Variants in RNF31 observed in about 807,000 individuals in gnomAD.
RNF31 encodes the protein ring finger protein 31.
Under a neutral mutation model 133.6 loss-of-function variants are expected in RNF31, and 38 were observed. That is an observed-to-expected ratio of 0.28 (90% confidence interval 0.22 to 0.37). The LOEUF (loss-of-function observed/expected upper bound fraction) is 0.37, where lower values mean the gene tolerates loss of function less well. Among genes scored for constraint, RNF31 ranks in the 10% least tolerant of loss-of-function variants. RNF31 has a pLI of 1.00. For synonymous variants in RNF31, 582 were observed against 552.3 expected (o/e 1.05, Z -0.75); for missense variants, 1,118 against 1,394.1 (o/e 0.80, Z 3.15).
intron 11 of RNF31, chr14:24,154,873 A>G (rs1254327817): frequency 2.5e-5 from 11 of 439,676 alleles, no homozygotes; most frequent in African/African-American, 2.0e-4. Flanking sequence ...CCACCTCTAT[A>G]GTTTTGTCAT....
At chr14:24,149,078 C>T in intron 5 of RNF31, 1 of 619,884 alleles carries the variant, frequency 1.6e-6, no homozygotes, top group Admixed American at 2.8e-5. Flanking sequence ...ATTCTCCTGC[C>T]TCAGCCTCCC....
At position 24,159,020 on chromosome 14, in the gene RNF31, G is replaced by A. The variant is rs72658752; in HGVS notation, c.2899+821G>A. On this transcript the variant is annotated intron_variant, in intron 18 of 20. Coordinates refer to ENST00000324103, the MANE Select transcript of RNF31 (RefSeq NM_017999.5). ...CGCACTCCAGCCTGGGCAACAGAGC[G>A]AGACTTCGTCTCAAAAAAAAAAAAA... 8.9e-3 allele frequency among the ~76,000 whole-genome samples: 1,062 copies of A among 118,726 alleles called. 23 individuals carry two copies. Among genetic ancestry groups the A allele is most frequent in the African/African-American group, 0.034 (1,006 of 29,738 alleles). The allele number at this position is 118,726 out of a possible 152,430, so 77.9% of individuals were successfully genotyped here. A position where few individuals can be genotyped will look rare whatever the true frequency, so the allele number is the denominator to read the frequency against.
intron 18 of RNF31, 60 bp downstream of exon 18, chr14:24,158,259 A>G (rs1215288984): frequency 2.6e-6 from 4 of 1,525,008 alleles, no homozygotes; most frequent in Non-Finnish European, 3.6e-6. Flanking sequence ...CCACCGTGTG[A>G]TGGGTAAAGG....
chr14:24,148,855 C>T lies in RNF31; in HGVS notation c.610C>T (p.Leu204Phe). Reference sequence around the variant, plus strand: ...ATTGAGAGAGATTGCTCCTGGCCCCCTCACCACACCCTCTGTCCCAGGTAT... The same window carrying T: ...ATTGAGAGAGATTGCTCCTGGCCCCTTCACCACACCCTCTGTCCCAGGTAT... Reference protein sequence around the residue: ...PLLREIAPGPLTTPSVPGSTP... With the variant: ...PLLREIAPGPFTTPSVPGSTP... Residue 204 changes from leucine (L) to phenylalanine (F), a missense_variant, in exon 5 of 21, where the codon CTC becomes TTC. Leu to Phe is a conservative substitution (Grantham distance 22). Transcript: ENST00000324103. 1.2e-6 allele frequency: 2 copies of T among 1,614,158 alleles called. No individual in the cohort carries two copies. The highest frequency in any genetic ancestry group is 1.7e-6 in the Non-Finnish European group (2 of 1,179,974).
Position 24,151,041 on chromosome 14 carries a change from A to G in RNF31, c.1489-90A>G, listed in dbSNP as rs2139080434. The G allele has an allele frequency of 6.4e-7, 1 of 1,568,666 alleles. No homozygotes were observed. The highest frequency in any genetic ancestry group is 8.7e-7 in the Non-Finnish European group (1 of 1,154,054). ...TTGCTGTACACTGATGACATGATCC[A>G]TATGTCTGAGCTGAGCCACTGTCAC... On this transcript the variant is annotated intron_variant, in intron 8 of 20. Transcript: ENST00000324103. The surrounding 1 kb of genome is among the most constrained non-coding windows in gnomAD (Gnocchi z 5.3).
Position 24,160,037 on chromosome 14 carries a change from G to T in RNF31, c.2996+77G>T. ...GAGGGCATGCCCAGGCAGTAAAATG[G>T]GTCCTTGGGAGCAGTAGGTCTTGCA... On this transcript the variant is annotated intron_variant, in intron 19 of 20. Transcript: ENST00000324103. This position sits in a 1 kb window ranked among gnomAD's most constrained non-coding sequence, Gnocchi z 4.0. The T allele has an allele frequency of 2.1e-6, 3 of 1,451,774 alleles. No individual in the cohort carries two copies. The highest frequency in any genetic ancestry group is 2.3e-5 in the East Asian group (1 of 43,804). 89.9% of individuals were successfully genotyped at this position (1,451,774 alleles called of 1,614,324 possible). A position where few individuals can be genotyped will look rare whatever the true frequency, so the allele number is the denominator to read the frequency against.
Position 24,151,683 on chromosome 14 carries a change from G to A in RNF31, c.1923+13G>A, listed in dbSNP as rs570944122. On this transcript the variant is annotated intron_variant, in intron 10 of 20. Transcript: ENST00000324103. This position sits in a 1 kb window ranked among gnomAD's most constrained non-coding sequence, Gnocchi z 5.3. ...GCCAGACAAGCAGGTGCTGGGAGGAGGCAAGAAGCCCAAGGGTCCACCTAG... is the reference window on the plus strand; with the variant it reads ...GCCAGACAAGCAGGTGCTGGGAGGAAGCAAGAAGCCCAAGGGTCCACCTAG... The A allele has an allele frequency of 6.2e-7, 1 of 1,609,304 alleles. No homozygotes were observed. Among genetic ancestry groups the A allele is most frequent in the South Asian group, 1.1e-5 (1 of 91,060 alleles).
In RNF31 at chr14:24,147,551, G is replaced by C; in HGVS notation, c.-148G>C. 1.7e-6 allele frequency: 1 copy of C among 601,020 alleles called. No homozygotes were observed. Among genetic ancestry groups the C allele is most frequent in the South Asian group, 3.5e-5 (1 of 28,462 alleles). 37.2% of individuals were successfully genotyped at this position (601,020 alleles called of 1,614,324 possible). On this transcript the variant is annotated 5_prime_UTR_variant, in exon 1 of 21. Transcript: ENST00000324103. ...GGCGCTGGGCCGGGGGCTGGAGAGT[G>C]ACCGTGGTCTGAGTGACCTGGGGCG...
Position 24,159,823 on chromosome 14 carries a change from T to C in RNF31, c.2900-41T>C, listed in dbSNP as rs150841905. 1.4e-4 allele frequency: 219 copies of C among 1,526,308 alleles called. 1 individual carries two copies. In the East Asian group the frequency reaches 4.0e-3, roughly 28 times the overall value. 94.5% of individuals were successfully genotyped at this position (1,526,308 alleles called of 1,614,324 possible). ...TCCCAGTTCTGGAGCTTTGTGGTCA[T>C]TGGCCTCCCAACAGAGGCTCCCTTC... On this transcript the variant is annotated intron_variant, in intron 18 of 20. Coordinates refer to ENST00000324103, the MANE Select transcript of RNF31 (RefSeq NM_017999.5).
chr14:24,150,921 A>T (rs2038256221), intron 8 of RNF31, 33 bp downstream of exon 8: 1 of 1,536,396 alleles, frequency 6.5e-7, no homozygotes. Context: ...GGTAGGGCTG[A>T]GCTGGTCTGG....
chr14:24,150,439 A>G lies in RNF31; in HGVS notation c.1188A>G (p.Gln396=). Residue 396 remains glutamine, a synonymous_variant, in exon 7 of 21, where the codon CAA becomes CAG. Coordinates refer to ENST00000324103, the MANE Select transcript of RNF31 (RefSeq NM_017999.5). The part of the protein sequence containing the change: ...VDSRDAGICL[Q]PLQQGDALLA... ...CCCGAGATGCTGGCATTTGCCTGCAACCCCTTCAGGTAACTGGCCTTCCCA... is the reference window on the plus strand; with the variant it reads ...CCCGAGATGCTGGCATTTGCCTGCAGCCCCTTCAGGTAACTGGCCTTCCCA... 6.2e-7 allele frequency: 1 copy of G among 1,609,760 alleles called. No homozygotes were observed. Among genetic ancestry groups the G allele is most frequent in the Non-Finnish European group, 8.5e-7 (1 of 1,177,702 alleles).
Position 24,151,058 on chromosome 14 carries a change from C to T in RNF31, c.1489-73C>T. On this transcript the variant is annotated intron_variant, in intron 8 of 20. Transcript: ENST00000324103. This position sits in a 1 kb window ranked among gnomAD's most constrained non-coding sequence, Gnocchi z 5.3. ...CATGATCCATATGTCTGAGCTGAGC[C>T]ACTGTCACCATCTTAGTTCAGGCTG... The T allele has an allele frequency of 6.3e-7, 1 of 1,589,552 alleles. No homozygotes were observed. Among genetic ancestry groups the T allele is most frequent in the South Asian group, 1.1e-5 (1 of 87,990 alleles).
At position 24,148,865 on chromosome 14, in the gene RNF31, C is replaced by T. The variant is rs763692830; in HGVS notation, c.620C>T (p.Pro207Leu). The change falls in exon 5 of 21, where the codon CCC becomes CTC. Residue 207 changes from proline to leucine, a missense_variant. Coordinates refer to ENST00000324103, the MANE Select transcript of RNF31 (RefSeq NM_017999.5). ...ATTGCTCCTGGCCCCCTCACCACAC[C>T]CTCTGTCCCAGGTATTATTGGTCCT... is the stretch of plus-strand genomic sequence containing the variant. ...REIAPGPLTTPSVPGSTPGPC... is the reference protein window; with the variant it reads ...REIAPGPLTTLSVPGSTPGPC... 99 of 1,613,898 alleles carry T rather than the reference C, an allele frequency of 6.1e-5. 3 individuals are homozygous for T. The highest frequency in any genetic ancestry group is 4.5e-4 in the South Asian group (41 of 91,082).
Position 24,157,358 on chromosome 14 carries a change from A to G in RNF31, c.2562A>G (p.Glu854=), listed in dbSNP as rs768375391. Residue 854 remains glutamate (E), a synonymous_variant, in exon 15 of 21, where the codon GAA becomes GAG. Coordinates refer to ENST00000324103, the MANE Select transcript of RNF31 (RefSeq NM_017999.5). ...ACTGGAAACGCATGAACGACCCAGA[A>G]TACCAGGCCCAGGGCCTAGCAATGT... ...FQNWKRMNDP[E]YQAQGLAMYL... The G allele has an allele frequency of 7.4e-6, 12 of 1,612,526 alleles. No individual in the cohort carries two copies. In the Admixed American group the frequency reaches 2.0e-4, roughly 27 times the overall value.
At position 24,150,640 on chromosome 14, in the gene RNF31, T is replaced by C. The variant is rs1446007760; in HGVS notation, c.1240T>C (p.Tyr414His). Residue 414 changes from tyrosine (Y) to histidine (H), a missense_variant, in exon 8 of 21, where the codon TAC (tyrosine) becomes CAC (histidine). Transcript: ENST00000324103. ...GGCCTCTGCCCAGAGTCAAGTCTGGTACTGTATTCACTGTACCTTCTGCAA... is the reference window on the plus strand; with the variant it reads ...GGCCTCTGCCCAGAGTCAAGTCTGGCACTGTATTCACTGTACCTTCTGCAA... ...LLASAQSQVW[Y>H]CIHCTFCNSS... 1 of 1,614,232 alleles carries C rather than the reference T, an allele frequency of 6.2e-7. No individual in the cohort carries two copies.
chr14:24,149,392 C>G lies in RNF31; in HGVS notation c.632-14C>G, dbSNP rs1433731351. ...TCTTTTTTGGAAAGATGTTCCATCTCTCCTGCCCTCCAGGCTCCACTCCTG... is the reference window on the plus strand; with the variant it reads ...TCTTTTTTGGAAAGATGTTCCATCTGTCCTGCCCTCCAGGCTCCACTCCTG... On this transcript the variant is annotated splice_polypyrimidine_tract_variant and intron_variant, in intron 5 of 20. Transcript: ENST00000324103. 1 of 1,609,342 alleles carries G rather than the reference C, an allele frequency of 6.2e-7. No individual in the cohort carries two copies. Among genetic ancestry groups the G allele is most frequent in the African/African-American group, 1.3e-5 (1 of 74,856 alleles).
At chr14:24,157,855 C>G (rs755955029) in intron 16 of RNF31, 43 bp from the exon 17 acceptor site, 44 of 1,553,880 alleles carry the variant, frequency 2.8e-5, no homozygotes, top group Non-Finnish European at 3.9e-5. Flanking sequence ...GCCAGGACCC[C>G]AACAGTCTCC....
At position 24,148,343 on chromosome 14, in the gene RNF31, A is replaced by G; in HGVS notation, c.425A>G (p.Asp142Gly). Residue 142 changes from aspartate (D) to glycine (G), a missense_variant, in exon 3 of 21, where the codon GAT becomes GGT. This residue lies in a region of RNF31 where 747 missense variants were observed against 827.9 expected (regional missense o/e 0.90). Coordinates refer to ENST00000324103, the MANE Select transcript of RNF31 (RefSeq NM_017999.5). Reference sequence around the variant, plus strand: ...TTCCCCGAAGGGCAGGAGGAGCCAGATGAGCACCAGGTTGCTACAGTCACA... The same window carrying G: ...TTCCCCGAAGGGCAGGAGGAGCCAGGTGAGCACCAGGTTGCTACAGTCACA... ...LSFPEGQEEP[D>G]EHQVATVTLE... 6.2e-7 allele frequency: 1 copy of G among 1,614,228 alleles called. No individual in the cohort carries two copies.
In RNF31 at chr14:24,155,687, C is replaced by T. The variant is rs1277863938; in HGVS notation, c.2488C>T (p.Arg830Cys). The T allele has an allele frequency of 5.0e-6, 8 of 1,613,716 alleles. No individual in the cohort carries two copies. Among genetic ancestry groups the T allele is most frequent in the South Asian group, 2.2e-5 (2 of 91,070 alleles). Residue 830 changes from arginine to cysteine, a missense_variant, in exon 14 of 21, where the codon CGC becomes TGC. Physicochemically the swap from Arg to Cys is radical, Grantham distance 180 (BLOSUM62 -3). Around this residue, in one of 3 missense-constraint regions of RNF31, gnomAD observed 201 missense variants for 371.7 expected, o/e 0.54. Transcript: ENST00000324103. The surrounding 1 kb of genome is among the most constrained non-coding windows in gnomAD (Gnocchi z 4.9). ...CCAGACCTTCTGTGTGCGCTGCAAG[C>T]GCCAGGTGAGGCACATTCATCCTTT... ...CHQTFCVRCK[R>C]QWEEQHRGRS...
Sources: gnomAD v4.1 joint callset for allele counts (sites outside exome capture counted in the v4.1 genomes callset) on GRCh38, gnomAD v4.1.1 for gene constraint, gnomAD v4.1.1 regional missense constraint, Gnocchi (gnomAD v3.1) non-coding constraint, MANE v1.5 for transcripts, NCBI Gene and HGNC (gene_info 2026-07-23, HGNC 2026-07-21) for gene names.